Variants in DOCK9 observed in about 807,000 individuals in gnomAD.
DOCK9 encodes dedicator of cytokinesis protein 9.
Under a neutral mutation model 263.3 loss-of-function variants are expected in DOCK9, and 89 were observed. The observed-to-expected ratio is 0.34, with a 90% CI of 0.28 to 0.40. The LOEUF (loss-of-function observed/expected upper bound fraction) is 0.40. Ranked by LOEUF, DOCK9 falls within the 10% of genes least tolerant of loss-of-function variation. The pLI is 1.00. For missense variants in DOCK9, 2,140 were observed against 2,603.4 expected (o/e 0.82, Z 3.87); for synonymous variants, 976 against 973.1 (o/e 1.00, Z -0.06).
Position 98,918,456 on chromosome 13 carries a change from ATATGT to A in DOCK9, c.717+2493_717+2497del, listed in dbSNP as rs372285874. Among the ~76,000 whole-genome samples, 298 of 152,336 alleles carry A rather than the reference ATATGT, an allele frequency of 2.0e-3. 3 individuals are homozygous for A. Among genetic ancestry groups the A allele is most frequent in the African/African-American group, 6.8e-3 (283 of 41,588 alleles). ...ATATGTTATACCTTATTTTCTATTT[ATATGT>A]TATAACTTAACAAAAAAGCTTACCA... On this transcript the variant is annotated intron_variant, in intron 7 of 52. Coordinates refer to ENST00000682017, the MANE Select transcript of DOCK9 (RefSeq NM_001366683.2).
chr13:98,871,804 G>A (rs1242342122), intron 27 of DOCK9: 1 of 152,630 alleles, frequency 6.6e-6, no homozygotes, highest in East Asian at 1.9e-4. Context: ...TGCTGCCTGT[G>A]TGGGGTCAGC....
chr13:98,821,701 G>A (rs1199466980), intron 45 of DOCK9, among the ~76,000 whole-genome samples: 1 of 152,150 alleles, frequency 6.6e-6, no homozygotes, highest in Non-Finnish European at 1.5e-5. Flanking sequence ...TTAATCAAAA[G>A]CAGCTGGAAA....
intron 1 of DOCK9, among the ~76,000 whole-genome samples, chr13:98,992,674 C>T (rs543103307): frequency 3.3e-5 from 5 of 152,314 alleles, no homozygotes; most frequent in Admixed American, 2.6e-4. Context: ...TGTGCCTTTG[C>T]TTTTCCTTCG....
chr13:99,021,593 C>G (rs376041510), intron 1 of DOCK9, among the ~76,000 whole-genome samples: 2 of 145,712 alleles, frequency 1.4e-5, no homozygotes, highest in Non-Finnish European at 3.0e-5. Flanking sequence ...GAGCCGAGAT[C>G]GCGCTACTGC....
At chr13:98,846,209 C>A in intron 37 of DOCK9, 149 bp from the exon 38 acceptor site, 1 of 1,010,008 alleles carries the variant, frequency 9.9e-7, no homozygotes, top group Non-Finnish European at 1.4e-6. Context: ...CACAGACAGG[C>A]GGCAGCTCCT....
chr13:98,802,641 C>G (rs1171471464), intron 49 of DOCK9, among the ~76,000 whole-genome samples: 1 of 152,206 alleles, frequency 6.6e-6, no homozygotes, highest in Middle Eastern at 3.2e-3. Context: ...GAAATTTCCA[C>G]TGAAGGAGGC....
intron 1 of DOCK9, among the ~76,000 whole-genome samples, chr13:99,037,519 A>G (rs1371151138): frequency 1.3e-5 from 2 of 152,226 alleles, no homozygotes; most frequent in African/African-American, 2.4e-5. Flanking sequence ...GTGGAAATAT[A>G]AAACGATATA....
At chr13:98,995,240 C>T (rs139287844) in intron 1 of DOCK9, among the ~76,000 whole-genome samples, 49 of 152,236 alleles carry the variant, frequency 3.2e-4, no homozygotes, top group African/African-American at 9.9e-4. Flanking sequence ...GCTGGGGTGT[C>T]GTGTGAAGTA....
chr13:98,835,384 C>G (rs899284385), intron 39 of DOCK9, among the ~76,000 whole-genome samples: 4 of 152,216 alleles, frequency 2.6e-5, no homozygotes, highest in African/African-American at 9.6e-5. Flanking sequence ...TGAGTCTAAG[C>G]CAGGGAAGCC....
At chr13:98,925,038 G>T (rs2052696947) in intron 4 of DOCK9, among the ~76,000 whole-genome samples, 1 of 151,946 alleles carries the variant, frequency 6.6e-6, no homozygotes, top group African/African-American at 2.4e-5. Flanking sequence ...GTGGCAAGTG[G>T]CTGTAATCCC....
At position 98,850,056 on chromosome 13, in the gene DOCK9, G is replaced by A. The variant is rs769932681; in HGVS notation, c.4004C>T (p.Thr1335Ile). Residue 1335 changes from threonine to isoleucine, a missense_variant, in exon 36 of 53, where the codon ACA (threonine) becomes ATA (isoleucine). By Grantham distance (89) the Thr-to-Ile change is moderately conservative. Transcript: ENST00000682017. Reference sequence around the variant, plus strand: ...AGAGAAAGCTACTTACTCAGATATTGTAAAAAAATCCATAAGTTCAGATGT... The same window carrying A: ...AGAGAAAGCTACTTACTCAGATATTATAAAAAAATCCATAAGTTCAGATGT... Reference protein sequence around the residue: ...ASTSELMDFFTISEVCLHQFQ... With the variant: ...ASTSELMDFFIISEVCLHQFQ... 2.4e-5 allele frequency: 37 copies of A among 1,565,012 alleles called. No homozygotes were observed. The highest frequency in any genetic ancestry group is 3.2e-5 in the Non-Finnish European group (37 of 1,156,576).
intron 2 of DOCK9, among the ~76,000 whole-genome samples, chr13:98,932,023 G>A (rs531689852): frequency 1.4e-4 from 22 of 152,154 alleles, no homozygotes; most frequent in African/African-American, 4.6e-4. Context: ...CACCATGCCC[G>A]GCCTGGGCTT....
chr13:98,850,604 C>T (rs914485982), intron 35 of DOCK9, among the ~76,000 whole-genome samples: 16 of 152,150 alleles, frequency 1.1e-4, no homozygotes, highest in Non-Finnish European at 2.2e-4. Flanking sequence ...CATAATATTC[C>T]TCTATGTGGA....
chr13:98,889,320 A>C lies in DOCK9; in HGVS notation c.1710-609T>G, dbSNP rs182009292. 2.0e-4 allele frequency among the ~76,000 whole-genome samples: 30 copies of C among 152,334 alleles called. No homozygotes were observed. The East Asian group carries it at 3.9e-3, about 20-fold the overall frequency. ...ACTGCTCGGGTGATGGGTGCACCAA[A>C]ATCACAGAAATCACCACTAAAGAAC... On this transcript the variant is annotated intron_variant, in intron 15 of 52. Coordinates refer to ENST00000682017, the MANE Select transcript of DOCK9 (RefSeq NM_001366683.2).
intron 20 of DOCK9, 141 bp from the exon 21 acceptor site, chr13:98,885,233 T>A: frequency 8.6e-7 from 1 of 1,158,256 alleles, no homozygotes; most frequent in Non-Finnish European, 1.2e-6. Context: ...GCCCTAAATG[T>A]AATCTCTGCA....
chr13:99,022,372 T>C (rs1489491748), intron 1 of DOCK9, among the ~76,000 whole-genome samples: 1 of 152,192 alleles, frequency 6.6e-6, no homozygotes, highest in Non-Finnish European at 1.5e-5. Flanking sequence ...TTGCTAATAG[T>C]GTTATTTAAA....
chr13:98,885,472 G>A, intron 20 of DOCK9: 1 of 529,842 alleles, frequency 1.9e-6, no homozygotes, highest in South Asian at 2.0e-5. Flanking sequence ...AGTGGGTGTG[G>A]TGCGTGCCTG....
rs142609901 is a variant in DOCK9, at chr13:98,884,549, C to T, written c.2382+422G>A. ...TTAAAGAAATCTGGGGAAAATTAGG[C>T]TTTCAAGAATCAGAAAGGTTTCAGA... is the stretch of plus-strand genomic sequence containing the variant. On this transcript the variant is annotated intron_variant, in intron 21 of 52. Transcript: ENST00000682017. Among the ~76,000 whole-genome samples, 6 of 152,318 alleles carry T rather than the reference C, an allele frequency of 3.9e-5. No homozygotes were observed. In the East Asian group the frequency reaches 1.2e-3, roughly 29 times the overall value.
intron 29 of DOCK9, 144 bp downstream of exon 29, chr13:98,867,784 A>G: frequency 1.3e-6 from 1 of 779,966 alleles, no homozygotes; most frequent in East Asian, 2.7e-5. Flanking sequence ...GAAGGACTTC[A>G]GGTAGCTTAT....
Sources: allele counts gnomAD v4.1 joint callset (sites outside exome capture counted in the v4.1 genomes callset), GRCh38; gene constraint gnomAD v4.1.1; transcripts MANE v1.5; gene names NCBI Gene and HGNC (gene_info 2026-07-23, HGNC 2026-07-21).